DPYSL3: variants seen among roughly 807,000 people sequenced by gnomAD.
DPYSL3 encodes dihydropyrimidinase-related protein 3.
Under a neutral mutation model 66.1 loss-of-function variants are expected in DPYSL3, and 16 were observed. The ratio of observed to expected loss-of-function variants is 0.24; its 90% CI spans 0.16 to 0.37. The LOEUF (loss-of-function observed/expected upper bound fraction) is 0.37. Ranked by LOEUF, DPYSL3 falls within the 10% of genes least tolerant of loss-of-function variation. The pLI is 1.00. For synonymous variants in DPYSL3, 338 were observed against 345.1 expected, an observed-to-expected ratio of 0.98 and a Z score of 0.23; for missense variants, 738 against 916.2, an observed-to-expected ratio of 0.81 and a Z score of 2.51.
chr5:147,463,664 T>A (rs1197572842), intron 1 of DPYSL3, among the ~76,000 whole-genome samples: 2 of 152,092 alleles, frequency 1.3e-5, no homozygotes, highest in African/African-American at 4.8e-5. Context: ...ACAATGGGCA[T>A]ATGATTAGAG....
chr5:147,396,976 T>A (rs1284389621), intron 12 of DPYSL3, among the ~76,000 whole-genome samples: 1 of 148,092 alleles, frequency 6.8e-6, no homozygotes, highest in Non-Finnish European at 1.5e-5. Context: ...TTAATTATAT[T>A]TATTGTATTG....
In DPYSL3 at chr5:147,475,464, C is replaced by T. The variant is rs140824747; in HGVS notation, c.381+34014G>A. 6.5e-3 allele frequency among the ~76,000 whole-genome samples: 990 copies of T among 152,132 alleles called. 10 individuals carry two copies. The highest frequency in any genetic ancestry group is 0.023 in the African/African-American group (941 of 41,532). On this transcript the variant is annotated intron_variant, in intron 1 of 13. Coordinates refer to ENST00000343218, the MANE Select transcript of DPYSL3 (RefSeq NM_001197294.2). ...AAGTGTTGAAGAATATACCCAGAAC[C>T]GAATGCTGGCATCTATATGGTTTTT...
chr5:147,435,365 T>C (rs1010359586), intron 1 of DPYSL3, among the ~76,000 whole-genome samples: 1 of 152,214 alleles, frequency 6.6e-6, no homozygotes, highest in Non-Finnish European at 1.5e-5. Context: ...GTGCTATGAA[T>C]TATATGCTAC....
chr5:147,392,271 T>TA lies in DPYSL3; in HGVS notation c.*1763dup. On this transcript the variant is annotated 3_prime_UTR_variant, in exon 14 of 14. Transcript: ENST00000343218. ...TTTAAAATAGCAAGCTTCCCTATTC[T>TA]AAGGGGAAATAGTCTTTTTTCATGA... 1 of 152,326 alleles carries TA rather than the reference T, an allele frequency of 6.6e-6. No individual in the cohort carries two copies. Among genetic ancestry groups the TA allele is most frequent in the East Asian group, 1.9e-4 (1 of 5,184 alleles). 9.4% of individuals were successfully genotyped at this position (152,326 alleles called of 1,614,324 possible).
Position 147,509,845 on chromosome 5 carries a change from C to T in DPYSL3, c.14G>A (p.Arg5Gln), listed in dbSNP as rs1753734744. The T allele has an allele frequency of 3.9e-6, 6 of 1,528,672 alleles. No homozygotes were observed. Among genetic ancestry groups the T allele is most frequent in the Non-Finnish European group, 5.3e-6 (6 of 1,141,740 alleles). 94.7% of individuals were successfully genotyped at this position (1,528,672 alleles called of 1,614,324 possible). A position where few individuals can be genotyped will look rare whatever the true frequency, so the allele number is the denominator to read the frequency against. Residue 5 changes from arginine to glutamine, a missense_variant, in exon 1 of 14, where the codon CGG becomes CAG. Transcript: ENST00000343218. The surrounding 1 kb of genome is among the most constrained non-coding windows in gnomAD (Gnocchi z 5.3). MASGRRGWDSSHEDD... is the reference protein window; with the variant it reads MASGQRGWDSSHEDD... Reference sequence around the variant, plus strand: ...TTCGTGGGAGCTGTCCCAGCCCCTCCGGCCCGAGGCCATGGTTCAAGCACG... The same window carrying T: ...TTCGTGGGAGCTGTCCCAGCCCCTCTGGCCCGAGGCCATGGTTCAAGCACG...
intron 7 of DPYSL3, among the ~76,000 whole-genome samples, chr5:147,406,919 C>T (rs1758338056): frequency 6.6e-6 from 1 of 152,192 alleles, no homozygotes. Context: ...GCTGGCTGAG[C>T]TGGCCTCCCC....
At chr5:147,452,922 C>T (rs9686079) in intron 1 of DPYSL3, among the ~76,000 whole-genome samples, 2,175 of 137,642 alleles carry the variant, frequency 0.016, 75 homozygotes, top group East Asian at 0.13. Flanking sequence ...CACACACACA[C>T]ACACATAAAG....
At chr5:147,503,265 T>G (rs1243705024) in intron 1 of DPYSL3, among the ~76,000 whole-genome samples, 1 of 152,196 alleles carries the variant, frequency 6.6e-6, no homozygotes, top group Non-Finnish European at 1.5e-5. Flanking sequence ...TTTTTGTATC[T>G]CTTCTTTTTT....
At chr5:147,406,687 T>A (rs1758331268) in intron 7 of DPYSL3, among the ~76,000 whole-genome samples, 1 of 152,228 alleles carries the variant, frequency 6.6e-6, no homozygotes, top group South Asian at 2.1e-4. Context: ...TACTCTCAAC[T>A]TGTGTAAGTT....
intron 1 of DPYSL3, chr5:147,453,625 CCTT>C (rs778474557): frequency 8.9e-5 from 135 of 1,523,484 alleles, no homozygotes; most frequent in Non-Finnish European, 1.0e-4. Context: ...CTCCCTCCCT[CCTT>C]CTTCTGCTCC....
At chr5:147,434,483 T>G (rs1202382548) in intron 1 of DPYSL3, among the ~76,000 whole-genome samples, 3 of 152,190 alleles carry the variant, frequency 2.0e-5, no homozygotes, top group Non-Finnish European at 2.9e-5. Flanking sequence ...AAAAGCCAAA[T>G]GCCTATTCCA....
At chr5:147,493,570 T>C (rs1235920637) in intron 1 of DPYSL3, among the ~76,000 whole-genome samples, 1 of 149,324 alleles carries the variant, frequency 6.7e-6, no homozygotes, top group Non-Finnish European at 1.5e-5. Context: ...CGAGACTCTG[T>C]CTAAAAAAAA....
intron 1 of DPYSL3, chr5:147,454,346 C>G (rs533415161): frequency 4.8e-4 from 73 of 152,356 alleles, no homozygotes; most frequent in African/African-American, 1.7e-3. Context: ...CTTCAGACGC[C>G]GGAGACTGGT....
intron 1 of DPYSL3, chr5:147,453,401 C>A: frequency 8.0e-7 from 1 of 1,256,104 alleles, no homozygotes; most frequent in Non-Finnish European, 1.0e-6. Context: ...GCTGGACTGA[C>A]CGCCGCGCTC....
chr5:147,457,165 C>T (rs1752864498), intron 1 of DPYSL3, among the ~76,000 whole-genome samples: 1 of 152,108 alleles, frequency 6.6e-6, no homozygotes, highest in African/African-American at 2.4e-5. Flanking sequence ...GAGTTTACTT[C>T]GTATTCTTCT....
chr5:147,399,182 A>C lies in DPYSL3; in HGVS notation c.1523T>G (p.Leu508Arg). The stretch of plus-strand genomic sequence containing the variant: ...AGATATTCTTCCCTTGCGGGGATAC[A>C]GGTTGAAGATCTTGGCAGCGTTTGT... ...TSTNAAKIFN[L>R]YPRKGRISVG... The change falls in exon 11 of 14, where the codon CTG becomes CGG. Residue 508 changes from leucine (L) to arginine (R), a missense_variant. Leu to Arg is a moderately radical substitution (Grantham distance 102, BLOSUM62 -2). Coordinates refer to ENST00000343218, the MANE Select transcript of DPYSL3 (RefSeq NM_001197294.2). 6.2e-7 allele frequency: 1 copy of C among 1,614,260 alleles called. No homozygotes were observed. The highest frequency in any genetic ancestry group is 1.1e-5 in the South Asian group (1 of 91,086).
chr5:147,482,138 C>A (rs986488528), intron 1 of DPYSL3, among the ~76,000 whole-genome samples: 16 of 152,250 alleles, frequency 1.1e-4, no homozygotes, highest in African/African-American at 3.9e-4. Flanking sequence ...TTTGTTATAA[C>A]CAGCAACAAC....
intron 1 of DPYSL3, among the ~76,000 whole-genome samples, chr5:147,457,436 T>C (rs1214717980): frequency 6.6e-6 from 1 of 152,204 alleles, no homozygotes; most frequent in Non-Finnish European, 1.5e-5. Context: ...AAATTGCATC[T>C]GGAGAAAGAT....
intron 1 of DPYSL3, among the ~76,000 whole-genome samples, chr5:147,446,374 A>T (rs1752629483): frequency 6.6e-6 from 1 of 152,226 alleles, no homozygotes; most frequent in African/African-American, 2.4e-5. Flanking sequence ...TTGCTCTTCT[A>T]GTCCGAGGAA....
Sources: allele counts gnomAD v4.1 joint callset (sites outside exome capture counted in the v4.1 genomes callset), GRCh38; gene constraint gnomAD v4.1.1; non-coding constraint Gnocchi (gnomAD v3.1); transcripts MANE v1.5; gene names NCBI Gene and HGNC (gene_info 2026-07-23, HGNC 2026-07-21).